Variants in DIAPH1 observed in about 807,000 individuals in gnomAD.
DIAPH1 encodes the protein protein diaphanous homolog 1.
In DIAPH1, 46 loss-of-function variants were observed where a neutral mutation model predicts 140.7. That is an observed-to-expected ratio of 0.33 (90% CI 0.26 to 0.42). The LOEUF is 0.42. Among genes scored for constraint, DIAPH1 ranks in the 10% least tolerant of loss-of-function variants. DIAPH1 has a pLI of 1.00. For missense variants in DIAPH1, 1,310 were observed against 1,558.7 expected, an observed-to-expected ratio of 0.84 and a Z score of 2.69; for synonymous variants, 565 against 551.6, an observed-to-expected ratio of 1.02 and a Z score of -0.34.
In DIAPH1 at chr5:141,526,306, A is replaced by G. The variant is rs2099887316; in HGVS notation, c.3429T>C (p.Asn1143=). ...EFFMDLHNFR[N]MFLQAVKENQ... is the part of the protein sequence containing the mutation. ...AGTATCCCTTGCTCACCAAAAACAT[A>G]TTCCGAAAATTGTGAAGATCCATGA... Residue 1143 remains asparagine (N), a synonymous_variant, in exon 25 of 28, where the codon AAT becomes AAC. Transcript: ENST00000389054. 6.2e-7 allele frequency: 1 copy of G among 1,614,188 alleles called. No individual in the cohort carries two copies. The highest frequency in any genetic ancestry group is 8.5e-7 in the Non-Finnish European group (1 of 1,180,032).
rs762935116 is a variant in DIAPH1, at chr5:141,528,538, G to A, written c.3063C>T (p.His1021=). The part of the protein sequence containing the change: ...KSTDQKMTLL[H]FLAELCENDY... ...CATTCTCACACAACTCAGCCAAGAA[G>A]TGTAACAACGTCATCTTCTGATCTG... The change falls in exon 23 of 28, where the codon CAC becomes CAT. Residue 1021 remains histidine (H), a synonymous_variant. Transcript: ENST00000389054. 12 of 1,614,096 alleles carry A rather than the reference G, an allele frequency of 7.4e-6. No homozygotes were observed. The highest frequency in any genetic ancestry group is 3.3e-4 in the Middle Eastern group (2 of 6,084).
rs762360741 is a variant in DIAPH1 at position 141,578,253 on chromosome 5, G to A, written c.1135C>T (p.Arg379Trp). The change falls in exon 11 of 28, where the codon CGG becomes TGG. Residue 379 changes from arginine to tryptophan, a missense_variant. Arg to Trp is a moderately radical substitution (Grantham distance 101). Transcript: ENST00000389054. ...ATCTCCATGCGAATGTCATCCAGCCGTCCCTTCAGGTCATAGGAATCCTCT... is the reference window on the plus strand; with the variant it reads ...ATCTCCATGCGAATGTCATCCAGCCATCCCTTCAGGTCATAGGAATCCTCT... ...GEEDSYDLKG[R>W]LDDIRMEMDD... The A allele has an allele frequency of 5.6e-6, 9 of 1,613,812 alleles. No individual in the cohort carries two copies. Among genetic ancestry groups the A allele is most frequent in the Admixed American group, 1.7e-5 (1 of 60,006 alleles).
Position 141,580,748 on chromosome 5 carries a change from C to T in DIAPH1, c.820G>A (p.Asp274Asn). Residue 274 changes from aspartate (D) to asparagine (N), a missense_variant, in exon 8 of 28, where the codon GAC becomes AAC. By Grantham distance (23) the Asp-to-Asn change is conservative. Coordinates refer to ENST00000389054, the MANE Select transcript of DIAPH1 (RefSeq NM_005219.5). ...SALCILPQPE[D>N]MNERVLEAMT... ...AAAATTATTCCAGTCACATACATGT[C>T]CTCTGGCTGCGGTAGAATACAAAGA... 6.2e-7 allele frequency: 1 copy of T among 1,614,004 alleles called. No homozygotes were observed. Among genetic ancestry groups the T allele is most frequent in the Non-Finnish European group, 8.5e-7 (1 of 1,180,018 alleles).
In DIAPH1 at chr5:141,573,628, G is replaced by A. The variant is rs2099895525; in HGVS notation, c.2222C>T (p.Pro741Leu). The part of the protein sequence containing the change: ...PFPGGPGIPP[P>L]PPGMGMPPPP... The stretch of plus-strand genomic sequence containing the variant: ...TGGAGGCATACCCATTCCGGGTGGA[G>A]GTGGAGGAATGCCAGGGCCTCCGGG... Residue 741 changes from proline (P) to leucine (L), a missense_variant, in exon 16 of 28, where the codon CCT becomes CTT. Pro to Leu is a moderately conservative substitution (Grantham distance 98). Around this residue, in one of 3 missense-constraint regions of DIAPH1, gnomAD observed 589 missense variants for 549.3 expected, o/e 1.07. Coordinates refer to ENST00000389054, the MANE Select transcript of DIAPH1 (RefSeq NM_005219.5). 1 of 1,613,732 alleles carries A rather than the reference G, an allele frequency of 6.2e-7. No individual in the cohort carries two copies. The highest frequency in any genetic ancestry group is 8.5e-7 in the Non-Finnish European group (1 of 1,179,882).
intron 1 of DIAPH1, among the ~76,000 whole-genome samples, chr5:141,608,503 T>C (rs2099901294): frequency 6.6e-6 from 1 of 152,170 alleles, no homozygotes; most frequent in Admixed American, 6.5e-5. Context: ...TTTATAGACG[T>C]GGTTGAAATT....
intron 18 of DIAPH1, chr5:141,564,282 G>A (rs1309647384): frequency 6.6e-6 from 1 of 152,170 alleles, no homozygotes; most frequent in African/African-American, 2.4e-5. Context: ...ACAGGTAGAG[G>A]GCAGTATACT....
chr5:141,573,165 G>C (rs376133589), intron 16 of DIAPH1, among the ~76,000 whole-genome samples: 1 of 152,056 alleles, frequency 6.6e-6, no homozygotes, highest in African/African-American at 2.4e-5. Context: ...GGCCGGGCGC[G>C]GTGGCTCACG....
rs562798639 is a variant in DIAPH1 at position 141,552,025 on chromosome 5, A to G, written c.2483-17592T>C. Among the ~76,000 whole-genome samples, 5 of 152,336 alleles carry G rather than the reference A, an allele frequency of 3.3e-5. No individual in the cohort carries two copies. The East Asian group carries it at 9.6e-4, about 29-fold the overall frequency. Reference sequence around the variant, plus strand: ...AAAATTCCATGTGGTAGACAGAATAATGGTCCTCCAAAGATGTCCACATTC... The same window carrying G: ...AAAATTCCATGTGGTAGACAGAATAGTGGTCCTCCAAAGATGTCCACATTC... On this transcript the variant is annotated intron_variant, in intron 18 of 27. Coordinates refer to ENST00000389054, the MANE Select transcript of DIAPH1 (RefSeq NM_005219.5).
At chr5:141,524,511 G>T in intron 26 of DIAPH1, 1 of 474,454 alleles carries the variant, frequency 2.1e-6, no homozygotes, top group Non-Finnish European at 3.9e-6. Context: ...ATCAGGACTA[G>T]CAACAAAATT....
At chr5:141,618,546 A>AGGGCAGAATGT in intron 1 of DIAPH1, 1 of 388,720 alleles carries the variant, frequency 2.6e-6, no homozygotes, top group South Asian at 3.5e-5. Context: ...TGCGGGCGGG[A>AGGGCAGAATGT]GGGCAGAATG....
chr5:141,564,289 T>A (rs1350691378), intron 18 of DIAPH1: 1 of 152,224 alleles, frequency 6.6e-6, no homozygotes, highest in Non-Finnish European at 1.5e-5. Context: ...GAGGGCAGTA[T>A]ACTAATCAGC....
chr5:141,615,750 GA>G (rs905372726), intron 1 of DIAPH1, among the ~76,000 whole-genome samples: 4 of 148,848 alleles, frequency 2.7e-5, no homozygotes, highest in Non-Finnish European at 4.5e-5. Flanking sequence ...CTCAAAAAAA[GA>G]AAAAAAAAAT....
At chr5:141,533,232 T>C (rs943442684) in intron 19 of DIAPH1, among the ~76,000 whole-genome samples, 1 of 152,218 alleles carries the variant, frequency 6.6e-6, no homozygotes, top group African/African-American at 2.4e-5. Context: ...GCCTATAACA[T>C]AGCAGACCCT....
chr5:141,582,086 A>AAAG lies in DIAPH1; in HGVS notation c.684+225_684+226insCTT, dbSNP rs1562328970. On this transcript the variant is annotated intron_variant, in intron 7 of 27. Transcript: ENST00000389054. ...AAAAAAAAAAAAAAAAAAAAAAAAA[A>AAAG]AGAGAGAGAAACAAAATTGAGCCTG... 2.8e-5 allele frequency: 11 copies of AAAG among 391,798 alleles called. 1 individual carries two copies. In the Admixed American group the frequency reaches 3.4e-4, roughly 12 times the overall value. The allele number at this position is 391,798 out of a possible 1,614,324, so 24.3% of individuals were successfully genotyped here.
chr5:141,527,816 T>C lies in DIAPH1; in HGVS notation c.3149-119A>G, dbSNP rs1394333937. 21 of 1,235,532 alleles carry C rather than the reference T, an allele frequency of 1.7e-5. No homozygotes were observed. In the East Asian group the frequency reaches 4.9e-4, roughly 29 times the overall value. The allele number at this position is 1,235,532 out of a possible 1,614,324, so 76.5% of individuals were successfully genotyped here. A position where few individuals can be genotyped will look rare whatever the true frequency, so the allele number is the denominator to read the frequency against. On this transcript the variant is annotated intron_variant, in intron 23 of 27. Transcript: ENST00000389054. ...AGCATAGCTTCAGTCTATACACACA[T>C]TCTGGTACTTAATAATTTTAGTTCC...
intron 18 of DIAPH1, among the ~76,000 whole-genome samples, chr5:141,545,795 C>T (rs740474): frequency 0.67 from 102,159 of 152,046 alleles, 35,466 homozygotes; most frequent in African/African-American, 0.85. Flanking sequence ...TCAACTCTGC[C>T]GGCATAATAT....
intron 18 of DIAPH1, among the ~76,000 whole-genome samples, chr5:141,547,183 A>T (rs2099890940): frequency 6.6e-6 from 1 of 152,254 alleles, no homozygotes; most frequent in African/African-American, 2.4e-5. Flanking sequence ...ACTTTTAAAA[A>T]ATCTATGAAC....
intron 27 of DIAPH1, among the ~76,000 whole-genome samples, chr5:141,523,690 T>C (rs2099886888): frequency 6.6e-6 from 1 of 151,690 alleles, no homozygotes; most frequent in Non-Finnish European, 1.5e-5. Flanking sequence ...TAAACCTGTC[T>C]ACAAAATTTT....
intron 18 of DIAPH1, among the ~76,000 whole-genome samples, chr5:141,541,936 T>C (rs879633487): frequency 3.3e-5 from 5 of 152,140 alleles, no homozygotes; most frequent in African/African-American, 4.8e-5. Context: ...GAACATAAAA[T>C]TCAACATTGA....
Sources: allele counts gnomAD v4.1 joint callset (sites outside exome capture counted in the v4.1 genomes callset), GRCh38; gene constraint gnomAD v4.1.1; regional missense constraint gnomAD v4.1.1; transcripts MANE v1.5; gene names NCBI Gene and HGNC (gene_info 2026-07-23, HGNC 2026-07-21).